The following HUWE1 variants were observed in gnomAD, a reference collection of about 807,000 sequenced individuals.
The protein encoded by HUWE1 is HECT, UBA and WWE domain containing E3 ubiquitin protein ligase 1, also known as E3 ubiquitin-protein ligase HUWE1.
In HUWE1, 18 loss-of-function variants were observed where a neutral mutation model predicts 299.4. That is an observed-to-expected ratio of 0.06 (90% CI 0.04 to 0.09). HUWE1 has a LOEUF of 0.09. Among genes scored for constraint, HUWE1 ranks in the 10% least tolerant of loss-of-function variants. HUWE1 has a pLI of 1.00. For synonymous variants in HUWE1, 1,317 were observed against 1,286.1 expected (o/e 1.02, Z -0.51); for missense variants, 1,832 against 3,462.3 (o/e 0.53, Z 11.82).
At chrX:53,578,803 TG>T (rs1332227238) in intron 43 of HUWE1, among the ~76,000 whole-genome samples, 27 of 17,643 alleles carry the variant, frequency 1.5e-3, no homozygotes, top group East Asian at 8.9e-3. Context: ...GGGAGGGAGG[TG>T]GGGGGGGGTC....
intron 44 of HUWE1, among the ~76,000 whole-genome samples, chrX:53,576,002 G>T (rs1556958415): frequency 8.9e-6 from 1 of 112,325 alleles, no homozygotes; most frequent in African/African-American, 3.2e-5. Flanking sequence ...ACTTTCCTAA[G>T]CTGTAACTAC....
chrX:53,593,343 T>A, intron 32 of HUWE1, 21 bp downstream of exon 32: 1 of 1,059,763 alleles, frequency 9.4e-7, no homozygotes, highest in Non-Finnish European at 1.3e-6. Context: ...TCCTTTTGAT[T>A]TTAGAATACT....
chrX:53,615,211 T>C (rs1329103089), intron 22 of HUWE1, among the ~76,000 whole-genome samples: 2 of 109,929 alleles, frequency 1.8e-5, no homozygotes, highest in Non-Finnish European at 3.8e-5. Flanking sequence ...TTACATTAAA[T>C]GGAAAAAAAT....
chrX:53,612,178 C>T (rs1557003066), intron 23 of HUWE1, among the ~76,000 whole-genome samples: 2 of 111,848 alleles, frequency 1.8e-5, no homozygotes, highest in Non-Finnish European at 3.8e-5. Flanking sequence ...CTTGCTTTTT[C>T]TTCCTTCCCT....
intron 3 of HUWE1, 43 bp downstream of exon 3, chrX:53,680,006 A>C (rs2070047832): frequency 3.4e-6 from 1 of 295,407 alleles, no homozygotes; most frequent in Non-Finnish European, 5.9e-6. Context: ...CCATTCCAGG[A>C]AGTAAAATAC....
intron 43 of HUWE1, among the ~76,000 whole-genome samples, chrX:53,580,429 A>G (rs782582161): frequency 8.9e-6 from 1 of 112,533 alleles, no homozygotes; most frequent in East Asian, 2.8e-4. Flanking sequence ...TTGTTTCCTC[A>G]TAATTAAATA....
chrX:53,675,740 T>G (rs1557050917), intron 3 of HUWE1, among the ~76,000 whole-genome samples: 1 of 111,808 alleles, frequency 8.9e-6, no homozygotes, highest in Non-Finnish European at 1.9e-5. Context: ...GTGTAATGTT[T>G]AAAAAAATAA....
chrX:53,573,601 C>T (rs1053678593), intron 47 of HUWE1, 149 bp downstream of exon 47: 5 of 514,547 alleles, frequency 9.7e-6, no homozygotes, highest in Admixed American at 8.3e-5. Context: ...AGCCACCGCA[C>T]CCGGCCTTGC....
At chrX:53,670,489 T>G (rs2069468957) in intron 3 of HUWE1, among the ~76,000 whole-genome samples, 1 of 111,776 alleles carries the variant, frequency 8.9e-6, no homozygotes, top group Admixed American at 9.5e-5. Flanking sequence ...ATATAGGGTA[T>G]CATCCAGCTT....
chrX:53,651,626 A>C (rs1282364214), intron 4 of HUWE1, among the ~76,000 whole-genome samples: 2 of 111,315 alleles, frequency 1.8e-5, no homozygotes, highest in Non-Finnish European at 3.8e-5. Context: ...TTTTCCCCCA[A>C]ATATTTACTA....
At chrX:53,601,551 A>G (rs1300079165) in intron 28 of HUWE1, among the ~76,000 whole-genome samples, 2 of 110,402 alleles carry the variant, frequency 1.8e-5, no homozygotes, top group African/African-American at 6.6e-5. Flanking sequence ...TTATTTCCTC[A>G]TTGATACTGA....
At chrX:53,591,195 TTCAAGATGGAAA>T (rs2064139710) in intron 33 of HUWE1, 73 bp from the exon 34 acceptor site, 1 of 1,122,484 alleles carries the variant, frequency 8.9e-7, no homozygotes, top group Admixed American at 2.4e-5. Context: ...AAGGAACCTT[TTCAAGATGGAAA>T]TAACTTTTTC....
chrX:53,602,726 T>TAAGAGG, intron 27 of HUWE1, 68 bp from the exon 28 acceptor site: 1 of 585,156 alleles, frequency 1.7e-6, no homozygotes, highest in Non-Finnish European at 2.7e-6. Context: ...ACCTCTTATA[T>TAAGAGG]TGTAAATGGT....
At chrX:53,535,277 T>C (rs1556911513) in intron 81 of HUWE1, 107 bp downstream of exon 81, 2 of 576,612 alleles carry the variant, frequency 3.5e-6, no homozygotes, top group African/African-American at 4.4e-5. Flanking sequence ...GTGCAAGGCA[T>C]TTGTGGCTCT....
intron 7 of HUWE1, among the ~76,000 whole-genome samples, chrX:53,637,328 A>G (rs1165676753): frequency 1.8e-5 from 2 of 112,482 alleles, no homozygotes; most frequent in Non-Finnish European, 3.7e-5. Context: ...TACATTTTCA[A>G]TATTTTCTTG....
chrX:53,536,347 G>A, intron 79 of HUWE1, 33 bp downstream of exon 79: 1 of 1,203,399 alleles, frequency 8.3e-7, no homozygotes, highest in Non-Finnish European at 1.1e-6. Context: ...CCCCAGGACT[G>A]AAGACAGTCC....
chrX:53,598,250 A>C (rs184700614), intron 29 of HUWE1, among the ~76,000 whole-genome samples: 2 of 112,174 alleles, frequency 1.8e-5, no homozygotes, highest in African/African-American at 6.5e-5. Flanking sequence ...TTGACTTTTT[A>C]TGATGTGGAC....
chrX:53,617,477 G>T, intron 19 of HUWE1, 31 bp from the exon 20 acceptor site: 1 of 897,027 alleles, frequency 1.1e-6, no homozygotes, highest in Non-Finnish European at 1.6e-6. Context: ...ATGGAAAACT[G>T]AGAGATTCCT....
Position 53,581,151 on chromosome X carries a change from C to T in HUWE1, c.5521-125G>A, listed in dbSNP as rs192706581. On this transcript the variant is annotated intron_variant, in intron 42 of 83. Transcript: ENST00000262854. ...AGAATGACATTTTATTTTTAAGTCC[C>T]GTCCCATCCCTTCTTGATTCAAAAA... The T allele has an allele frequency of 7.6e-3, 4,229 of 554,695 alleles. 21 individuals are homozygous for T. Among genetic ancestry groups the T allele is most frequent in the Non-Finnish European group, 0.01 (3,573 of 356,967 alleles). 45.7% of individuals were successfully genotyped at this position (554,695 alleles called of 1,213,427 possible). A position where few individuals can be genotyped will look rare whatever the true frequency, so the allele number is the denominator to read the frequency against.
Sources: gnomAD v4.1 joint callset for allele counts (sites outside exome capture counted in the v4.1 genomes callset) on GRCh38, gnomAD v4.1.1 for gene constraint, MANE v1.5 for transcripts, NCBI Gene and HGNC (gene_info 2026-07-23, HGNC 2026-07-21) for gene names.